Variants in FREM2 observed in about 807,000 individuals in gnomAD.
FREM2 encodes the protein FRAS1-related extracellular matrix protein 2.
FREM2 carries 119 observed loss-of-function variants against 219.9 expected under a neutral mutation model. The observed-to-expected ratio is 0.54, with a 90% CI of 0.47 to 0.63. The LOEUF is 0.63. Among genes scored for constraint, FREM2 ranks in the 30% least tolerant of loss-of-function variants. FREM2 has a pLI of 0.00. For synonymous variants in FREM2, 1,562 were observed against 1,522.8 expected, an observed-to-expected ratio of 1.03 and a Z score of -0.60; for missense variants, 4,030 against 3,993.6, an observed-to-expected ratio of 1.01 and a Z score of -0.25.
At chr13:38,772,914 CT>C (rs1385934349) in intron 4 of FREM2, among the ~76,000 whole-genome samples, 4 of 151,988 alleles carry the variant, frequency 2.6e-5, no homozygotes, top group African/African-American at 9.7e-5. Flanking sequence ...CCAGGCTGGT[CT>C]GGAACTCCTG....
At chr13:38,853,431 T>G (rs1877450285) in intron 11 of FREM2, among the ~76,000 whole-genome samples, 1 of 152,230 alleles carries the variant, frequency 6.6e-6, no homozygotes, top group African/African-American at 2.4e-5. Context: ...TATGAATTAT[T>G]TGGAGTCTAA....
chr13:38,759,196 G>C (rs1177120674), intron 2 of FREM2, among the ~76,000 whole-genome samples: 1 of 152,114 alleles, frequency 6.6e-6, no homozygotes, highest in Non-Finnish European at 1.5e-5. Flanking sequence ...ATTCAGCTTT[G>C]AAGCTGAACT....
rs533310302 is a variant in FREM2 at position 38,751,894 on chromosome 13, G to T, written c.5264-12410G>T. Among the ~76,000 whole-genome samples, 26 of 84,344 alleles carry T rather than the reference G, an allele frequency of 3.1e-4. No individual in the cohort carries two copies. In the South Asian group the frequency reaches 9.9e-3, roughly 32 times the overall value. 55.3% of individuals were successfully genotyped at this position (84,344 alleles called of 152,430 possible). ...TGTGTGTGTGTGTGTGTGTGTGTGTGTGTTTTCCTTTTGGCAGCCAAATAT... is the reference window on the plus strand; with the variant it reads ...TGTGTGTGTGTGTGTGTGTGTGTGTTTGTTTTCCTTTTGGCAGCCAAATAT... On this transcript the variant is annotated intron_variant, in intron 2 of 23. Transcript: ENST00000280481.
At chr13:38,752,831 T>C (rs1164304125) in intron 2 of FREM2, among the ~76,000 whole-genome samples, 3 of 152,158 alleles carry the variant, frequency 2.0e-5, no homozygotes, top group African/African-American at 7.2e-5. Flanking sequence ...TAAATGGTGC[T>C]AAACCGGTTA....
chr13:38,773,771 G>A (rs1048713537), intron 4 of FREM2, among the ~76,000 whole-genome samples: 34 of 152,014 alleles, frequency 2.2e-4, no homozygotes, highest in African/African-American at 8.2e-4. Flanking sequence ...AACTGGGAAG[G>A]GTTTAAAGTT....
chr13:38,878,664 G>A (rs1024397181), intron 22 of FREM2, among the ~76,000 whole-genome samples, 167 bp from the exon 23 acceptor site: 5 of 151,906 alleles, frequency 3.3e-5, no homozygotes, highest in Non-Finnish European at 7.4e-5. Context: ...GAAGGTCCCC[G>A]TCTCTTAAAA....
At chr13:38,772,859 G>T (rs112073336) in intron 4 of FREM2, among the ~76,000 whole-genome samples, 1 of 152,060 alleles carries the variant, frequency 6.6e-6, no homozygotes, top group African/African-American at 2.4e-5. Context: ...ACCACGCCCG[G>T]CTAATTTTTG....
chr13:38,859,195 C>A (rs1437101905), intron 13 of FREM2, 92 bp from the exon 14 acceptor site: 4 of 1,228,454 alleles, frequency 3.3e-6, no homozygotes, highest in Non-Finnish European at 4.8e-6. Flanking sequence ...TTGGGGAAAG[C>A]AGCAGTGAAA....
chr13:38,752,164 T>A (rs1872799993), intron 2 of FREM2, among the ~76,000 whole-genome samples: 1 of 152,208 alleles, frequency 6.6e-6, no homozygotes, highest in Admixed American at 6.5e-5. Context: ...TTTGTCCCTG[T>A]CTCTGTCTGT....
intron 2 of FREM2, among the ~76,000 whole-genome samples, chr13:38,743,612 C>T (rs1376482026): frequency 6.6e-6 from 1 of 152,134 alleles, no homozygotes; most frequent in Admixed American, 6.5e-5. Flanking sequence ...TTGTACTTCT[C>T]AATAAGCCCA....
intron 4 of FREM2, among the ~76,000 whole-genome samples, chr13:38,775,118 A>G (rs1465556429): frequency 1.3e-5 from 2 of 152,234 alleles, no homozygotes; most frequent in Non-Finnish European, 2.9e-5. Context: ...AAAGACAAAA[A>G]TCTGTATTCT....
At chr13:38,779,585 A>G (rs564772364) in intron 4 of FREM2, 2 of 152,148 alleles carry the variant, frequency 1.3e-5, no homozygotes, top group Non-Finnish European at 2.9e-5. Flanking sequence ...AAAAATAAAA[A>G]GTAAAAACCA....
rs1869583855 is a variant in FREM2, at chr13:38,688,149, A to G, written c.805A>G (p.Thr269Ala). ...FQELGVRYRH[T>A]AASRSPNRDW... ...GGAACTAGGCGTGCGCTATCGCCAC[A>G]CAGCCGCCAGTCGCTCACCAAACAG... is the stretch of plus-strand genomic sequence containing the variant. Residue 269 changes from threonine to alanine, a missense_variant, in exon 1 of 24, where the codon ACA (threonine) becomes GCA (alanine). This residue lies in a region of FREM2 where 3,102 missense variants were observed against 2,950.7 expected (regional missense o/e 1.05). Coordinates refer to ENST00000280481, the MANE Select transcript of FREM2 (RefSeq NM_207361.6). The G allele has an allele frequency of 6.2e-7, 1 of 1,613,410 alleles. No individual in the cohort carries two copies. The highest frequency in any genetic ancestry group is 1.3e-5 in the African/African-American group (1 of 75,050).
chr13:38,846,564 T>A lies in FREM2; in HGVS notation c.6020-9T>A, dbSNP rs1347393002. 2.5e-6 allele frequency: 4 copies of A among 1,612,634 alleles called. No homozygotes were observed. The Admixed American group carries it at 5.0e-5, about 20-fold the overall frequency. On this transcript the variant is annotated splice_polypyrimidine_tract_variant and intron_variant, in intron 6 of 23. Coordinates refer to ENST00000280481, the MANE Select transcript of FREM2 (RefSeq NM_207361.6). The stretch of plus-strand genomic sequence containing the variant: ...ATAACAGAAATGATTTCTGTTCCTT[T>A]CTTAACAGAACCCATCTTTTACTTC...
rs76946879 is a variant in FREM2, at chr13:38,800,208, T to C, written c.6019+15400T>C. On this transcript the variant is annotated intron_variant, in intron 6 of 23. Coordinates refer to ENST00000280481, the MANE Select transcript of FREM2 (RefSeq NM_207361.6). ...TGAAAGTCGTCTTTTCACTTACAAG[T>C]TTAGGGATCCCTTGAACATTTCTTG... 7.7e-4 allele frequency among the ~76,000 whole-genome samples: 118 copies of C among 152,276 alleles called. 1 individual carries two copies. In the East Asian group the frequency reaches 0.022, roughly 28 times the overall value.
chr13:38,778,675 G>A (rs1873979137), intron 4 of FREM2, among the ~76,000 whole-genome samples: 1 of 152,012 alleles, frequency 6.6e-6, no homozygotes, highest in Non-Finnish European at 1.5e-5. Context: ...AAGAAGATCA[G>A]GAAAAATAAC....
chr13:38,878,370 A>G (rs186188444), intron 22 of FREM2, 49 bp downstream of exon 22: 6 of 1,457,714 alleles, frequency 4.1e-6, no homozygotes, highest in Non-Finnish European at 5.8e-6. Flanking sequence ...TTCAAAGTTC[A>G]GCCTCCTTGT....
At chr13:38,784,512 T>C (rs1341104740) in intron 5 of FREM2, 45 bp from the exon 6 acceptor site, 1 of 1,607,558 alleles carries the variant, frequency 6.2e-7, no homozygotes, top group Non-Finnish European at 8.5e-7. Flanking sequence ...AATATCTTTG[T>C]CTTATGTTCT....
intron 10 of FREM2, 81 bp from the exon 11 acceptor site, chr13:38,851,605 C>T (rs1877372725): frequency 1.8e-6 from 2 of 1,114,464 alleles, no homozygotes; most frequent in South Asian, 2.6e-5. Context: ...TCCCCTCCCA[C>T]ATGGAAACAA....
Sources: gnomAD v4.1 joint callset for allele counts (sites outside exome capture counted in the v4.1 genomes callset) on GRCh38, gnomAD v4.1.1 for gene constraint, gnomAD v4.1.1 regional missense constraint, MANE v1.5 for transcripts, NCBI Gene and HGNC (gene_info 2026-07-23, HGNC 2026-07-21) for gene names.